The following DYRK1A variants were observed in gnomAD, a reference collection of about 807,000 sequenced individuals.
DYRK1A encodes the protein dual specificity tyrosine phosphorylation regulated kinase 1A.
DYRK1A carries 9 observed loss-of-function variants against 79.7 expected under a neutral mutation model. The ratio of observed to expected loss-of-function variants is 0.11; its 90% CI spans 0.07 to 0.20. DYRK1A has a LOEUF of 0.20. Among genes scored for constraint, DYRK1A ranks in the 10% least tolerant of loss-of-function variants. DYRK1A has a pLI of 1.00. For synonymous variants in DYRK1A, 349 were observed against 329.7 expected, an observed-to-expected ratio of 1.06 and a Z score of -0.63; for missense variants, 622 against 956.0, an observed-to-expected ratio of 0.65 and a Z score of 4.61.
At chr21:37,423,816 A>G (rs1291585065) in intron 2 of DYRK1A, among the ~76,000 whole-genome samples, 1 of 152,152 alleles carries the variant, frequency 6.6e-6, no homozygotes, top group African/African-American at 2.4e-5. Context: ...TTATTTTTAA[A>G]TGTGCTGATT....
At chr21:37,433,412 G>A (rs554070147) in intron 2 of DYRK1A, among the ~76,000 whole-genome samples, 2 of 152,274 alleles carry the variant, frequency 1.3e-5, no homozygotes, top group South Asian at 4.1e-4. Context: ...GGCTGAGTTA[G>A]GATTGCTTTA....
intron 9 of DYRK1A, among the ~76,000 whole-genome samples, chr21:37,501,153 T>TTTG (rs1207327672): frequency 1.3e-5 from 2 of 150,138 alleles, no homozygotes; most frequent in East Asian, 3.9e-4. Flanking sequence ...ATATGTTTTT[T>TTTG]TTGTTGTTGT....
At chr21:37,475,368 T>G (rs923593860) in intron 3 of DYRK1A, among the ~76,000 whole-genome samples, 2 of 152,236 alleles carry the variant, frequency 1.3e-5, no homozygotes, top group Admixed American at 6.5e-5. Flanking sequence ...CTCTTGACTT[T>G]GGCTAGCAGA....
At position 37,377,204 on chromosome 21, in the gene DYRK1A, C is replaced by G. The variant is rs552270629; in HGVS notation, c.-77+9576C>G. On this transcript the variant is annotated intron_variant, in intron 1 of 11. Transcript: ENST00000647188. ...GCGCAATCTCGGCTCACTGCAAGCT[C>G]CGCCTCCTGGGTTTACGCCATTCTC... 1.5e-4 allele frequency among the ~76,000 whole-genome samples: 23 copies of G among 152,210 alleles called. No homozygotes were observed. The East Asian group carries it at 4.3e-3, about 28-fold the overall frequency.
At chr21:37,500,191 T>A (rs2053399167) in intron 9 of DYRK1A, among the ~76,000 whole-genome samples, 2 of 152,216 alleles carry the variant, frequency 1.3e-5, no homozygotes, top group Non-Finnish European at 2.9e-5. Flanking sequence ...GCTTTTTTAA[T>A]ATCATGAGTG....
chr21:37,502,959 A>G (rs142016194), intron 9 of DYRK1A: 1 of 152,268 alleles, frequency 6.6e-6, no homozygotes, highest in East Asian at 1.9e-4. Flanking sequence ...TTTTTTCTGG[A>G]TTACACTGTT....
chr21:37,403,920 C>A (rs1011421081), intron 1 of DYRK1A, among the ~76,000 whole-genome samples: 2 of 151,652 alleles, frequency 1.3e-5, no homozygotes, highest in African/African-American at 4.9e-5. Flanking sequence ...CCTTAGGTAA[C>A]CTCAAGGTGA....
Position 37,525,578 on chromosome 21 carries a change from G to A in DYRK1A, c.*13047G>A, listed in dbSNP as rs946982610. 3 of 152,168 alleles carry A rather than the reference G, an allele frequency of 2.0e-5. No individual in the cohort carries two copies. Among genetic ancestry groups the A allele is most frequent in the East Asian group, 1.9e-4 (1 of 5,198 alleles). The allele number at this position is 152,168 out of a possible 1,614,324, so 9.4% of individuals were successfully genotyped here. ...TGTGGAATAGAAAATGGCTCAGTTG[G>A]ACAACTTACAAAGCTTGTAATAATA... On this transcript the variant is annotated 3_prime_UTR_variant, in exon 12 of 12. Coordinates refer to ENST00000647188, the MANE Select transcript of DYRK1A (RefSeq NM_001347721.2).
chr21:37,379,598 G>A (rs1042528373), intron 1 of DYRK1A, among the ~76,000 whole-genome samples: 1 of 152,162 alleles, frequency 6.6e-6, no homozygotes, highest in Non-Finnish European at 1.5e-5. Context: ...ATAATTTGCA[G>A]CACCATTAAA....
At chr21:37,500,349 T>C (rs1428558718) in intron 9 of DYRK1A, among the ~76,000 whole-genome samples, 1 of 152,196 alleles carries the variant, frequency 6.6e-6, no homozygotes. Flanking sequence ...TATTCCCTTA[T>C]ATATATTGCT....
rs920457366 is a variant in DYRK1A at position 37,525,428 on chromosome 21, C to A, written c.*12897C>A. The A allele has an allele frequency of 6.6e-6, 1 of 152,126 alleles. No homozygotes were observed. Among genetic ancestry groups the A allele is most frequent in the Non-Finnish European group, 1.5e-5 (1 of 68,046 alleles). 9.4% of individuals were successfully genotyped at this position (152,126 alleles called of 1,614,324 possible). ...TGAGACTTACTCACTATTATGAGAA[C>A]AGCATGGTAAAATCCTGCCTCCATG... On this transcript the variant is annotated 3_prime_UTR_variant, in exon 12 of 12. Transcript: ENST00000647188.
chr21:37,446,358 T>C (rs2835750), intron 2 of DYRK1A, among the ~76,000 whole-genome samples: 134,646 of 152,236 alleles, frequency 0.88, 59,805 homozygotes, highest in East Asian at 1. Context: ...ATAAATACTG[T>C]AGTGGATGCA....
intron 7 of DYRK1A, 107 bp from the exon 8 acceptor site, chr21:37,492,910 C>T (rs2053143849): frequency 1.1e-6 from 1 of 895,844 alleles, no homozygotes; most frequent in African/African-American, 1.7e-5. Flanking sequence ...AACCCTAATT[C>T]AGGAATTAGC....
At chr21:37,449,437 G>A (rs1024572880) in intron 2 of DYRK1A, among the ~76,000 whole-genome samples, 3 of 152,140 alleles carry the variant, frequency 2.0e-5, no homozygotes, top group South Asian at 2.1e-4. Context: ...GTCATCCTAG[G>A]TTTTGGCATT....
upstream of DYRK1A, chr21:37,366,127 G>C (rs1363579357): frequency 6.6e-6 from 1 of 151,708 alleles, no homozygotes; most frequent in East Asian, 2.0e-4. Flanking sequence ...CTCCACGCGC[G>C]GACGGTCGCG....
intron 2 of DYRK1A, among the ~76,000 whole-genome samples, chr21:37,420,665 T>C (rs904748458): frequency 6.6e-6 from 1 of 152,144 alleles, no homozygotes; most frequent in African/African-American, 2.4e-5. Flanking sequence ...ATTCTGTTAA[T>C]GTAAATAACA....
intron 2 of DYRK1A, among the ~76,000 whole-genome samples, chr21:37,460,938 A>T (rs2051818726): frequency 1.3e-5 from 2 of 152,186 alleles, no homozygotes; most frequent in Non-Finnish European, 2.9e-5. Context: ...CAGCAGCTAT[A>T]TGTTGGATTA....
intron 2 of DYRK1A, among the ~76,000 whole-genome samples, chr21:37,455,133 G>A (rs546606590): frequency 6.0e-5 from 9 of 151,228 alleles, no homozygotes; most frequent in Non-Finnish European, 1.2e-4. Flanking sequence ...AGAGAGTGGT[G>A]TATATATTTT....
At chr21:37,449,547 G>A (rs2051378471) in intron 2 of DYRK1A, among the ~76,000 whole-genome samples, 1 of 152,104 alleles carries the variant, frequency 6.6e-6, no homozygotes, top group African/African-American at 2.4e-5. Flanking sequence ...CATTGGCTTG[G>A]TCTTAGTCAC....
Sources: allele counts gnomAD v4.1 joint callset (sites outside exome capture counted in the v4.1 genomes callset), GRCh38; gene constraint gnomAD v4.1.1; transcripts MANE v1.5; gene names NCBI Gene and HGNC (gene_info 2026-07-23, HGNC 2026-07-21).